The following CHLSN variants were observed in gnomAD, a reference collection of about 807,000 sequenced individuals.
CHLSN encodes the protein protein cholesin.
chr7:1,005,298 C>T, the CHLSN span, among the ~76,000 whole-genome samples: 1 of 152,144 alleles, frequency 6.6e-6, no homozygotes, highest in Non-Finnish European at 1.5e-5. Context: ...TCAAAACAAA[C>T]AAATCAACCC....
At chr7:1,053,027 G>C in the CHLSN span, among the ~76,000 whole-genome samples, 1 of 152,244 alleles carries the variant, frequency 6.6e-6, no homozygotes, top group African/African-American at 2.4e-5. Flanking sequence ...GAAGTCAGCA[G>C]AGTGCATGGC....
chr7:1,019,332 G>C, the CHLSN span, among the ~76,000 whole-genome samples: 3 of 151,914 alleles, frequency 2.0e-5, no homozygotes, highest in African/African-American at 7.3e-5. Flanking sequence ...ACCTTGAGCT[G>C]ACAGGTCCGT....
At chr7:994,583 T>A in the CHLSN span, among the ~76,000 whole-genome samples, 85 of 152,198 alleles carry the variant, frequency 5.6e-4, no homozygotes, top group African/African-American at 1.9e-3. Context: ...AGCTGTGACT[T>A]CAGACACATG....
At chr7:986,357 C>T in the CHLSN span, 3 of 530,326 alleles carry the variant, frequency 5.7e-6, no homozygotes, top group Non-Finnish European at 6.7e-6. Context: ...ACTGTGGCAG[C>T]TGCCTCCCTC....
At chr7:1,032,737 CA>C in the CHLSN span, among the ~76,000 whole-genome samples, 2 of 152,226 alleles carry the variant, frequency 1.3e-5, no homozygotes, top group Non-Finnish European at 2.9e-5. Flanking sequence ...CCAGTCTGTC[CA>C]TGACAGGCAG....
chr7:1,091,728 C>T, the CHLSN span: 2 of 1,524,782 alleles, frequency 1.3e-6, no homozygotes, highest in Non-Finnish European at 1.8e-6. Flanking sequence ...GGTGCAGAGA[C>T]ATGGATGTGA....
chr7:1,127,535 C>G, the CHLSN span: 1 of 788,086 alleles, frequency 1.3e-6, no homozygotes, highest in South Asian at 2.0e-5. Context: ...TAAACTCAAA[C>G]TCCCACATTT....
chr7:1,056,136 C>G, the CHLSN span: 2 of 154,178 alleles, frequency 1.3e-5, no homozygotes, highest in African/African-American at 4.8e-5. Context: ...GCTGGCCCGG[C>G]GAGTGGAGCC....
At chr7:1,101,778 C>T in the CHLSN span, among the ~76,000 whole-genome samples, 1 of 152,380 alleles carries the variant, frequency 6.6e-6, no homozygotes, top group East Asian at 1.9e-4. Flanking sequence ...GGGCCGGCCG[C>T]AGGCCCAGGG....
At chr7:1,098,755 C>T in the CHLSN span, among the ~76,000 whole-genome samples, 1 of 152,160 alleles carries the variant, frequency 6.6e-6, no homozygotes, top group African/African-American at 2.4e-5. Flanking sequence ...TGCGTGCGTC[C>T]GCCAATGTGA....
At chr7:1,104,625 CGCA>C in the CHLSN span, among the ~76,000 whole-genome samples, 1 of 152,158 alleles carries the variant, frequency 6.6e-6, no homozygotes, top group Non-Finnish European at 1.5e-5. Context: ...TTACCAGGAG[CGCA>C]GCAAGTTTAA....
At chr7:1,007,841 G>A in the CHLSN span, among the ~76,000 whole-genome samples, 1 of 152,150 alleles carries the variant, frequency 6.6e-6, no homozygotes, top group Non-Finnish European at 1.5e-5. Flanking sequence ...ATGCTCCCAG[G>A]CACTCAGGAC....
chr7:1,118,109 G>A, the CHLSN span, among the ~76,000 whole-genome samples: 1 of 152,160 alleles, frequency 6.6e-6, no homozygotes, highest in Non-Finnish European at 1.5e-5. Flanking sequence ...ACAGCACAAC[G>A]CTTACCCAGC....
chr7:1,002,258 T>C, the CHLSN span, among the ~76,000 whole-genome samples: 46 of 97,114 alleles, frequency 4.7e-4, no homozygotes, highest in African/African-American at 7.3e-4. Flanking sequence ...TGGAGTCCTG[T>C]GGGTGAGTGG....
At chr7:1,081,300 C>T in the CHLSN span, among the ~76,000 whole-genome samples, 20 of 152,270 alleles carry the variant, frequency 1.3e-4, no homozygotes, top group Admixed American at 3.9e-4. Flanking sequence ...GAGAGGGCTT[C>T]GGGGATAACT....
chr7:1,054,741 G>A, the CHLSN span, among the ~76,000 whole-genome samples: 1 of 152,222 alleles, frequency 6.6e-6, no homozygotes, highest in African/African-American at 2.4e-5. Context: ...CTCGCAGGAG[G>A]CTCCGTGTGT....
chr7:1,113,445 G>A, the CHLSN span, among the ~76,000 whole-genome samples: 2 of 152,180 alleles, frequency 1.3e-5, no homozygotes, highest in African/African-American at 4.8e-5. Context: ...TTCGGAGCAG[G>A]TGTGCGACCC....
At chr7:1,121,485 G>A in the CHLSN span, among the ~76,000 whole-genome samples, 5 of 152,188 alleles carry the variant, frequency 3.3e-5, no homozygotes, top group African/African-American at 1.2e-4. Context: ...TGAAGTTCAC[G>A]GCCTCATTTG....
At chr7:1,101,256 G>A in the CHLSN span, among the ~76,000 whole-genome samples, 1 of 152,272 alleles carries the variant, frequency 6.6e-6, no homozygotes, top group Non-Finnish European at 1.5e-5. Flanking sequence ...ATGGAGCCTG[G>A]GAACAAGGGT....
Sources: gnomAD v4.1 joint callset for allele counts (sites outside exome capture counted in the v4.1 genomes callset) on GRCh38, gnomAD v4.1.1 for gene constraint, MANE v1.5 for transcripts, NCBI Gene and HGNC (gene_info 2026-07-23, HGNC 2026-07-21) for gene names.